The following LARP4B variants were observed in gnomAD, a reference collection of about 807,000 sequenced individuals.
LARP4B encodes La ribonucleoprotein 4B.
LARP4B carries 12 observed loss-of-function variants against 89.8 expected under a neutral mutation model. The observed-to-expected ratio is 0.13, with a 90% CI of 0.09 to 0.22. LARP4B has a LOEUF of 0.22. LARP4B is among the 10% of genes least tolerant of loss of function. LARP4B has a pLI of 1.00. For synonymous variants in LARP4B, 367 were observed against 363.3 expected (o/e 1.01, Z -0.12); for missense variants, 757 against 947.7 (o/e 0.80, Z 2.64).
intron 6 of LARP4B, 34 bp downstream of exon 6, chr10:844,943 T>C (rs762803299): frequency 2.0e-6 from 3 of 1,481,212 alleles, no homozygotes; most frequent in South Asian, 1.2e-5. Context: ...ATACTAGAAA[T>C]ATCAGGTACT....
At chr10:931,921 C>A (rs1358418099), upstream of LARP4B, among the ~76,000 whole-genome samples, 1 of 150,026 alleles carries the variant, frequency 6.7e-6, no homozygotes, top group Non-Finnish European at 1.5e-5. Flanking sequence ...CGCGGCCTTG[C>A]GATTGGCGCG....
the LARP4B span, among the ~76,000 whole-genome samples, chr10:938,455 G>T: frequency 6.6e-6 from 1 of 151,652 alleles, no homozygotes; most frequent in African/African-American, 2.4e-5. Context: ...GGGTTTCACC[G>T]TGTTAGCCAG....
the LARP4B span, among the ~76,000 whole-genome samples, chr10:976,445 C>T: frequency 2.1e-3 from 261 of 126,898 alleles, 1 homozygote; most frequent in African/African-American, 7.6e-3. Context: ...GCGTAATGTG[C>T]GGTCCGGCCT....
the LARP4B span, among the ~76,000 whole-genome samples, chr10:977,400 G>A: frequency 7.2e-5 from 11 of 152,072 alleles, no homozygotes; most frequent in South Asian, 4.1e-4. Context: ...CCAGCTGGGC[G>A]CTGTGATGCG....
intron 7 of LARP4B, 23 bp downstream of exon 7, chr10:842,905 TATTA>T (rs1397759041): frequency 6.2e-7 from 1 of 1,603,926 alleles, no homozygotes; most frequent in African/African-American, 1.3e-5. Flanking sequence ...GGACAAGTAT[TATTA>T]ATTTAAATTG....
At chr10:891,722 TCCTA>T (rs1419786595) in intron 1 of LARP4B, among the ~76,000 whole-genome samples, 4 of 152,222 alleles carry the variant, frequency 2.6e-5, no homozygotes, top group African/African-American at 7.2e-5. Context: ...ACACTCTGCA[TCCTA>T]CCTATTAAAA....
chr10:824,401 T>C (rs577632904), intron 13 of LARP4B, among the ~76,000 whole-genome samples: 6 of 152,084 alleles, frequency 3.9e-5, no homozygotes, highest in African/African-American at 1.2e-4. Context: ...GCTGAGGCAA[T>C]AGGATTGCTT....
chr10:976,254 G>C, the LARP4B span, among the ~76,000 whole-genome samples: 1 of 143,428 alleles, frequency 7.0e-6, no homozygotes, highest in Non-Finnish European at 1.5e-5. Flanking sequence ...ACCCGGCCTA[G>C]TAGAATGTAA....
At chr10:894,867 C>T (rs1310418276) in intron 1 of LARP4B, among the ~76,000 whole-genome samples, 1 of 152,102 alleles carries the variant, frequency 6.6e-6, no homozygotes, top group African/African-American at 2.4e-5. Context: ...CTATAGTATC[C>T]TCTCTACTTC....
At chr10:957,420 C>A in the LARP4B span, among the ~76,000 whole-genome samples, 1 of 152,150 alleles carries the variant, frequency 6.6e-6, no homozygotes, top group East Asian at 1.9e-4. Context: ...CCCACCTCGG[C>A]CTCCCAAAGT....
chr10:972,690 A>G, the LARP4B span: 2 of 457,286 alleles, frequency 4.4e-6, no homozygotes, highest in South Asian at 1.5e-5. Context: ...CTGAGAATCA[A>G]ACACTGAGAA....
intron 1 of LARP4B, chr10:903,075 C>T (rs1836388291): frequency 6.6e-6 from 1 of 152,210 alleles, no homozygotes; most frequent in African/African-American, 2.4e-5. Flanking sequence ...GAAATTACTT[C>T]TCATGTTGAG....
At chr10:835,474 A>T (rs187107826) in intron 8 of LARP4B, among the ~76,000 whole-genome samples, 1 of 152,240 alleles carries the variant, frequency 6.6e-6, no homozygotes, top group African/African-American at 2.4e-5. Context: ...CGAGTCCCCA[A>T]AGCAGGCAGA....
At chr10:988,172 C>G in the LARP4B span, 1 of 335,438 alleles carries the variant, frequency 3.0e-6, no homozygotes, top group African/African-American at 2.2e-5. Flanking sequence ...GCTCCAGAAA[C>G]CCGCAGGGCA....
At chr10:889,485 G>A (rs533485670) in intron 1 of LARP4B, among the ~76,000 whole-genome samples, 19 of 152,308 alleles carry the variant, frequency 1.2e-4, no homozygotes, top group Middle Eastern at 3.4e-3. Context: ...AAGAAAACAC[G>A]CAGACATGGA....
At chr10:852,470 G>C (rs1000469894) in intron 5 of LARP4B, among the ~76,000 whole-genome samples, 4 of 152,158 alleles carry the variant, frequency 2.6e-5, no homozygotes, top group African/African-American at 9.7e-5. Flanking sequence ...AGGAAAAGAA[G>C]AGTGCCTCAT....
chr10:824,283 AG>A (rs1348549631), intron 13 of LARP4B, among the ~76,000 whole-genome samples: 1 of 152,222 alleles, frequency 6.6e-6, no homozygotes, highest in African/African-American at 2.4e-5. Flanking sequence ...GCTCTAGGCC[AG>A]GAGTTCAAGA....
chr10:893,583 C>A (rs575634972), intron 1 of LARP4B, among the ~76,000 whole-genome samples: 22 of 152,322 alleles, frequency 1.4e-4, no homozygotes, highest in Admixed American at 6.5e-4. Context: ...GCTGTCCTTC[C>A]GTTGAGTCTC....
chr10:901,883 A>C (rs1308778617), intron 1 of LARP4B, among the ~76,000 whole-genome samples: 1 of 152,232 alleles, frequency 6.6e-6, no homozygotes, highest in Non-Finnish European at 1.5e-5. Flanking sequence ...GGAGGACATA[A>C]TCAGACACAA....
Sources: gnomAD v4.1 joint callset for allele counts (sites outside exome capture counted in the v4.1 genomes callset) on GRCh38, gnomAD v4.1.1 for gene constraint, MANE v1.5 for transcripts, NCBI Gene and HGNC (gene_info 2026-07-23, HGNC 2026-07-21) for gene names.